Variants in ARL15 observed in about 807,000 individuals in gnomAD.
ARL15 encodes the protein ARF like GTPase 15.
Under a neutral mutation model 25.2 loss-of-function variants are expected in ARL15, and 19 were observed. The observed-to-expected ratio is 0.75, with a 90% CI of 0.53 to 1.10. The LOEUF is 1.10. ARL15 is among the 50% of genes least tolerant of loss of function. The probability of loss-of-function intolerance (pLI) is 0.00; values close to 1 mark genes in which losing one functional copy is unlikely to be tolerated. For missense variants in ARL15, 220 were observed against 246.0 expected (o/e 0.89, Z 0.71); for synonymous variants, 94 against 86.8 (o/e 1.08, Z -0.46).
intron 4 of ARL15, among the ~76,000 whole-genome samples, chr5:53,964,269 T>C (rs1042323010): frequency 6.6e-6 from 1 of 152,244 alleles, no homozygotes; most frequent in Non-Finnish European, 1.5e-5. Context: ...CATTTCACTT[T>C]CTATTTTCCT....
chr5:54,083,628 T>G (rs1364280131), intron 4 of ARL15, among the ~76,000 whole-genome samples: 2 of 152,208 alleles, frequency 1.3e-5, no homozygotes, highest in African/African-American at 4.8e-5. Flanking sequence ...TAGGAATACA[T>G]TAACTATATT....
intron 3 of ARL15, among the ~76,000 whole-genome samples, chr5:54,142,356 G>A (rs1206316761): frequency 6.6e-6 from 1 of 152,156 alleles, no homozygotes; most frequent in Non-Finnish European, 1.5e-5. Context: ...GGAGCAACAT[G>A]GGGGAGTTTG....
chr5:53,965,174 G>A (rs978172331), intron 4 of ARL15, among the ~76,000 whole-genome samples: 3 of 152,156 alleles, frequency 2.0e-5, no homozygotes, highest in African/African-American at 7.2e-5. Flanking sequence ...TCTGCCAGAA[G>A]CATTCTTTCT....
chr5:54,263,305 C>A (rs950594072), intron 1 of ARL15, among the ~76,000 whole-genome samples: 2 of 151,822 alleles, frequency 1.3e-5, no homozygotes, highest in Non-Finnish European at 2.9e-5. Flanking sequence ...AATGGCAGTT[C>A]GAATCTCCCA....
At chr5:54,166,622 C>T (rs1754576114) in intron 2 of ARL15, among the ~76,000 whole-genome samples, 1 of 152,148 alleles carries the variant, frequency 6.6e-6, no homozygotes, top group Non-Finnish European at 1.5e-5. Flanking sequence ...TCCCTTTCCA[C>T]TCACCTTCAT....
chr5:53,984,077 C>T (rs983687523), intron 4 of ARL15, among the ~76,000 whole-genome samples: 5 of 152,110 alleles, frequency 3.3e-5, no homozygotes, highest in African/African-American at 1.2e-4. Flanking sequence ...GAGTGACCGC[C>T]CTGGATATTA....
At chr5:53,887,935 A>G (rs1206172962) in intron 4 of ARL15, among the ~76,000 whole-genome samples, 2 of 151,598 alleles carry the variant, frequency 1.3e-5, no homozygotes, top group African/African-American at 4.9e-5. Flanking sequence ...ACATTTTTTC[A>G]TATAAGCCAG....
chr5:54,211,885 C>G (rs1756053217), intron 1 of ARL15, among the ~76,000 whole-genome samples: 1 of 152,130 alleles, frequency 6.6e-6, no homozygotes, highest in South Asian at 2.1e-4. Flanking sequence ...ATATGCTTAT[C>G]TGGAGCACAC....
chr5:54,301,685 T>G (rs1368963404), intron 1 of ARL15, among the ~76,000 whole-genome samples: 3 of 152,234 alleles, frequency 2.0e-5, no homozygotes, highest in Non-Finnish European at 4.4e-5. Flanking sequence ...GGTATAGACC[T>G]CCAATGCCTC....
intron 4 of ARL15, among the ~76,000 whole-genome samples, chr5:54,065,363 T>G (rs1160866632): frequency 6.6e-6 from 1 of 152,202 alleles, no homozygotes; most frequent in Non-Finnish European, 1.5e-5. Context: ...AAAATGTGGC[T>G]GGTCCAAACT....
chr5:54,213,327 C>T (rs1308114256), intron 1 of ARL15, among the ~76,000 whole-genome samples: 2 of 152,186 alleles, frequency 1.3e-5, no homozygotes, highest in Non-Finnish European at 2.9e-5. Context: ...AAAATGGTAA[C>T]TGTTCTAGCT....
intron 4 of ARL15, among the ~76,000 whole-genome samples, chr5:53,926,654 CA>C (rs571493940): frequency 2.6e-5 from 4 of 151,968 alleles, no homozygotes; most frequent in African/African-American, 4.8e-5. Context: ...CTACGCCAAT[CA>C]AAAAAACCAT....
At chr5:54,040,760 G>A (rs1475806347) in intron 4 of ARL15, among the ~76,000 whole-genome samples, 1 of 152,146 alleles carries the variant, frequency 6.6e-6, no homozygotes, top group South Asian at 2.1e-4. Context: ...AAAAAAGAGG[G>A]AGGGAAATTG....
intron 4 of ARL15, among the ~76,000 whole-genome samples, chr5:53,930,506 T>C (rs192927019): frequency 3.9e-5 from 6 of 152,182 alleles, no homozygotes; most frequent in African/African-American, 1.4e-4. Context: ...TCTGTAAAAA[T>C]AGACATCACT....
intron 4 of ARL15, among the ~76,000 whole-genome samples, chr5:53,987,503 A>C (rs989237092): frequency 1.3e-5 from 2 of 150,320 alleles, no homozygotes; most frequent in Non-Finnish European, 1.5e-5. Flanking sequence ...GAACCAACTC[A>C]CACATTCTGA....
At chr5:53,973,738 T>A (rs1747830212) in intron 4 of ARL15, among the ~76,000 whole-genome samples, 1 of 151,794 alleles carries the variant, frequency 6.6e-6, no homozygotes, top group Non-Finnish European at 1.5e-5. Context: ...GACCCTGTCT[T>A]AAAAAAACAA....
At chr5:53,889,045 T>C (rs1441395407) in intron 4 of ARL15, among the ~76,000 whole-genome samples, 1 of 152,140 alleles carries the variant, frequency 6.6e-6, no homozygotes, top group Non-Finnish European at 1.5e-5. Flanking sequence ...CCCTGATACA[T>C]ATTATAAACC....
At chr5:54,163,433 G>A (rs1362406410) in intron 2 of ARL15, among the ~76,000 whole-genome samples, 1 of 113,768 alleles carries the variant, frequency 8.8e-6, no homozygotes, top group Non-Finnish European at 1.7e-5. Context: ...GCTTCATGCT[G>A]GTCTTAGGAG....
At chr5:54,010,770 G>A (rs992006980) in intron 4 of ARL15, among the ~76,000 whole-genome samples, 17 of 152,124 alleles carry the variant, frequency 1.1e-4, no homozygotes, top group Non-Finnish European at 2.4e-4. Context: ...CCAGCACTTT[G>A]GGAGGCTGAG....
Sources: gnomAD v4.1 joint callset for allele counts (sites outside exome capture counted in the v4.1 genomes callset) on GRCh38, gnomAD v4.1.1 for gene constraint, MANE v1.5 for transcripts, NCBI Gene and HGNC (gene_info 2026-07-23, HGNC 2026-07-21) for gene names.